The following RAB20 variants were observed in gnomAD, a reference collection of about 807,000 sequenced individuals.
RAB20 encodes ras-related protein Rab-20.
Under a neutral mutation model 3.7 loss-of-function variants are expected in RAB20, and 2 were observed. The ratio of observed to expected loss-of-function variants is 0.54; its 90% CI spans 0.22 to 1.69. RAB20 has a LOEUF of 1.69. RAB20 is among the 40% of genes most tolerant of loss of function. RAB20 has a pLI of 0.19. For synonymous variants in RAB20, 126 were observed against 130.8 expected (o/e 0.96, Z 0.25); for missense variants, 276 against 311.9 (o/e 0.88, Z 0.87).
chr13:110,555,265 C>T lies in RAB20; in HGVS notation c.172+6083G>A, dbSNP rs9559844. Among the ~76,000 whole-genome samples the T allele has an allele frequency of 0.56, 84,952 of 152,060 alleles. 25,248 individuals are homozygous for T. Among genetic ancestry groups the T allele is most frequent in the Admixed American group, 0.66 (10,114 of 15,292 alleles). On this transcript the variant is annotated intron_variant, in intron 1 of 1. Transcript: ENST00000267328. This position sits in a 1 kb window ranked among gnomAD's most constrained non-coding sequence, Gnocchi z 4.0. ...CACCACAAACCTCCAACTACTCTAACGCGCCGGAATAGAACTCAAATGAGG... is the reference window on the plus strand; with the variant it reads ...CACCACAAACCTCCAACTACTCTAATGCGCCGGAATAGAACTCAAATGAGG...
chr13:110,548,260 G>C (rs544105344), intron 1 of RAB20, among the ~76,000 whole-genome samples: 14 of 152,208 alleles, frequency 9.2e-5, no homozygotes, highest in Non-Finnish European at 1.5e-4. Flanking sequence ...CAGGTGGGCA[G>C]ATCACTTGAG....
intron 1 of RAB20, among the ~76,000 whole-genome samples, chr13:110,540,606 G>A (rs1344126020): frequency 2.0e-5 from 3 of 152,078 alleles, no homozygotes; most frequent in African/African-American, 4.8e-5. Flanking sequence ...GCCAGGCGGA[G>A]TGGTGGGTGC....
chr13:110,530,455 A>G (rs1884516035), intron 1 of RAB20, among the ~76,000 whole-genome samples: 1 of 96,346 alleles, frequency 1.0e-5, no homozygotes, highest in Admixed American at 1.0e-4. Flanking sequence ...AGTAGGTCCC[A>G]CCCGCCCCAC....
intron 1 of RAB20, among the ~76,000 whole-genome samples, chr13:110,544,463 T>G (rs1172998896): frequency 6.6e-6 from 1 of 152,234 alleles, no homozygotes; most frequent in Non-Finnish European, 1.5e-5. Flanking sequence ...TGATAGTGAT[T>G]GCATTGAATC....
At chr13:110,527,820 A>G (rs903751464) in intron 1 of RAB20, among the ~76,000 whole-genome samples, 4 of 152,012 alleles carry the variant, frequency 2.6e-5, no homozygotes, top group Non-Finnish European at 5.9e-5. Context: ...CAAAAAGAAC[A>G]GGCTAGGGCA....
intron 1 of RAB20, among the ~76,000 whole-genome samples, chr13:110,558,591 A>G (rs937981936): frequency 6.6e-6 from 1 of 151,412 alleles, no homozygotes; most frequent in South Asian, 2.1e-4. Context: ...CACATTAACC[A>G]GGCTGGTCTT....
Position 110,555,983 on chromosome 13 carries a change from C to T in RAB20, c.172+5365G>A, listed in dbSNP as rs944665276. On this transcript the variant is annotated intron_variant, in intron 1 of 1. Transcript: ENST00000267328. The surrounding 1 kb of genome is among the most constrained non-coding windows in gnomAD (Gnocchi z 4.0). ...AGGAGACAATGTTTGTTTAGCAAAA[C>T]TCACATGGTACTTCCTCATTCTGGC... 7.2e-5 allele frequency among the ~76,000 whole-genome samples: 11 copies of T among 152,218 alleles called. No individual in the cohort carries two copies. Among genetic ancestry groups the T allele is most frequent in the Non-Finnish European group, 1.3e-4 (9 of 68,042 alleles).
chr13:110,560,515 G>C (rs1194041531), intron 1 of RAB20, among the ~76,000 whole-genome samples: 4 of 152,020 alleles, frequency 2.6e-5, no homozygotes, highest in Admixed American at 1.3e-4. Context: ...AGAGTTTCAG[G>C]CTTCTAAAAA....
At chr13:110,550,458 G>A (rs938845687) in intron 1 of RAB20, among the ~76,000 whole-genome samples, 12 of 152,204 alleles carry the variant, frequency 7.9e-5, no homozygotes, top group African/African-American at 2.9e-4. Context: ...GGGAAGGAAG[G>A]GGTGGTCTTG....
chr13:110,529,824 C>A (rs989420314), intron 1 of RAB20, among the ~76,000 whole-genome samples: 1 of 152,108 alleles, frequency 6.6e-6, no homozygotes, highest in Admixed American at 6.5e-5. Flanking sequence ...GGTGAGTGAC[C>A]GGAGCCTGGG....
rs199741920 is a variant in RAB20 at position 110,552,692 on chromosome 13, CAAATAAATAAAT to C, written c.172+8644_172+8655del. Among the ~76,000 whole-genome samples the C allele has an allele frequency of 5.7e-3, 823 of 144,740 alleles. 10 individuals are homozygous for C. Among genetic ancestry groups the C allele is most frequent in the African/African-American group, 0.02 (766 of 38,412 alleles). 95.0% of individuals were successfully genotyped at this position (144,740 alleles called of 152,430 possible). On this transcript the variant is annotated intron_variant, in intron 1 of 1. Transcript: ENST00000267328. The stretch of plus-strand genomic sequence containing the variant: ...TGGGGGACAGAGTGAGACTCCATCT[CAAATAAATAAAT>C]AAATAAATAAATAAATAAATAAATA...
chr13:110,552,717 A>AAATG (rs1884976845), intron 1 of RAB20, among the ~76,000 whole-genome samples: 1 of 151,580 alleles, frequency 6.6e-6, no homozygotes, highest in African/African-American at 2.4e-5. Context: ...ATAAATAAAT[A>AAATG]AATAAATAAA....
intron 1 of RAB20, among the ~76,000 whole-genome samples, chr13:110,545,960 T>C (rs1196614956): frequency 3.3e-5 from 5 of 152,176 alleles, no homozygotes; most frequent in South Asian, 2.1e-4. Context: ...GTGGATCCTG[T>C]AGTCTTCACC....
chr13:110,549,976 G>A lies in RAB20; in HGVS notation c.172+11372C>T, dbSNP rs949762096. ...TGCCCTCAAGTGATCTACCCTCCTCGGCCTCCCACACTGCTGGGATGACAG... is the reference window on the plus strand; with the variant it reads ...TGCCCTCAAGTGATCTACCCTCCTCAGCCTCCCACACTGCTGGGATGACAG... On this transcript the variant is annotated intron_variant, in intron 1 of 1. Transcript: ENST00000267328. 1.1e-4 allele frequency among the ~76,000 whole-genome samples: 16 copies of A among 152,238 alleles called. No individual in the cohort carries two copies. The East Asian group carries it at 2.1e-3, about 20-fold the overall frequency.
chr13:110,538,558 A>G (rs528378818), intron 1 of RAB20, among the ~76,000 whole-genome samples: 6 of 139,830 alleles, frequency 4.3e-5, no homozygotes, highest in African/African-American at 7.7e-5. Context: ...GTGAGCTATG[A>G]TCACACCACT....
intron 1 of RAB20, among the ~76,000 whole-genome samples, chr13:110,534,566 T>C (rs1046106532): frequency 6.6e-6 from 1 of 152,192 alleles, no homozygotes; most frequent in Admixed American, 6.5e-5. Flanking sequence ...TTCAGAAAAC[T>C]GCAAGGATCA....
rs996371813 is a variant in RAB20 at position 110,523,470 on chromosome 13, C to T, written c.*195G>A. ...ATTCCTGTTTCCCACCTCCCCACCC[C>T]TCTGACAGAGACTGAGGAGACCACA... On this transcript the variant is annotated 3_prime_UTR_variant, in exon 2 of 2. Transcript: ENST00000267328. 1 of 1,107,650 alleles carries T rather than the reference C, an allele frequency of 9.0e-7. No individual in the cohort carries two copies. Among genetic ancestry groups the T allele is most frequent in the Middle Eastern group, 3.1e-4 (1 of 3,278 alleles). 68.6% of individuals were successfully genotyped at this position (1,107,650 alleles called of 1,614,324 possible). A position where few individuals can be genotyped will look rare whatever the true frequency, so the allele number is the denominator to read the frequency against.
At chr13:110,547,616 T>A (rs1566589744) in intron 1 of RAB20, among the ~76,000 whole-genome samples, 4 of 152,154 alleles carry the variant, frequency 2.6e-5, no homozygotes. Flanking sequence ...ATTAAGTGCA[T>A]AAATCCTCGG....
intron 1 of RAB20, among the ~76,000 whole-genome samples, chr13:110,525,152 C>A (rs560213402): frequency 6.9e-4 from 105 of 152,178 alleles, no homozygotes; most frequent in Non-Finnish European, 1.4e-3. Context: ...TTCAGCCTCA[C>A]GAGGTCGATG....
Sources: gnomAD v4.1 joint callset for allele counts (sites outside exome capture counted in the v4.1 genomes callset) on GRCh38, gnomAD v4.1.1 for gene constraint, Gnocchi (gnomAD v3.1) non-coding constraint, MANE v1.5 for transcripts, NCBI Gene and HGNC (gene_info 2026-07-23, HGNC 2026-07-21) for gene names.